The following SCAPER variants were observed in gnomAD, a reference collection of about 807,000 sequenced individuals.
The protein encoded by SCAPER is S-phase cyclin A associated protein in the ER.
Under a neutral mutation model 182.2 loss-of-function variants are expected in SCAPER, and 98 were observed. The observed-to-expected ratio is 0.54, with a 90% CI of 0.46 to 0.64. The LOEUF is 0.64. Ranked by LOEUF, SCAPER falls within the 30% of genes least tolerant of loss-of-function variation. SCAPER has a pLI of 0.00. For synonymous variants in SCAPER, 605 were observed against 564.6 expected (o/e 1.07, Z -1.01); for missense variants, 1,432 against 1,690.0 (o/e 0.85, Z 2.68).
At chr15:76,744,365 G>T (rs999848520) in intron 15 of SCAPER, among the ~76,000 whole-genome samples, 7 of 152,056 alleles carry the variant, frequency 4.6e-5, no homozygotes, top group Admixed American at 4.6e-4. Context: ...TACAGAATGG[G>T]AGACAATATT....
At chr15:76,584,427 T>C (rs1431067421) in intron 22 of SCAPER, among the ~76,000 whole-genome samples, 10 of 152,186 alleles carry the variant, frequency 6.6e-5, no homozygotes, top group Non-Finnish European at 8.8e-5. Flanking sequence ...GTTTGTGACA[T>C]TAAGAGAGGA....
At chr15:76,904,213 C>T (rs1278228020) in intron 1 of SCAPER, among the ~76,000 whole-genome samples, 1 of 152,150 alleles carries the variant, frequency 6.6e-6, no homozygotes, top group Non-Finnish European at 1.5e-5. Context: ...TACCACTCAC[C>T]AGCTGGTGAT....
intron 21 of SCAPER, among the ~76,000 whole-genome samples, chr15:76,648,850 T>C (rs539329955): frequency 6.6e-6 from 1 of 152,364 alleles, no homozygotes; most frequent in East Asian, 1.9e-4. Context: ...AGGTTCCCTC[T>C]TCCCTTTTCT....
chr15:76,713,177 G>T (rs1296735791), intron 17 of SCAPER, among the ~76,000 whole-genome samples: 3 of 152,102 alleles, frequency 2.0e-5, no homozygotes, highest in African/African-American at 7.2e-5. Flanking sequence ...TTACACTGTT[G>T]GTGGGACTGT....
At chr15:76,599,532 A>G (rs1277744605) in intron 22 of SCAPER, among the ~76,000 whole-genome samples, 2 of 122,406 alleles carry the variant, frequency 1.6e-5, no homozygotes, top group African/African-American at 2.5e-5. Flanking sequence ...TACTCATAGG[A>G]GTACTGTCCA....
At chr15:76,757,644 G>A (rs553802754) in intron 14 of SCAPER, among the ~76,000 whole-genome samples, 7 of 152,190 alleles carry the variant, frequency 4.6e-5, no homozygotes, top group African/African-American at 1.2e-4. Flanking sequence ...ACTGCTGATC[G>A]TATGACAGGC....
At chr15:76,741,570 T>C (rs755321571) in intron 15 of SCAPER, among the ~76,000 whole-genome samples, 4 of 151,970 alleles carry the variant, frequency 2.6e-5, no homozygotes, top group Non-Finnish European at 4.4e-5. Flanking sequence ...GCAGCTGCAA[T>C]GGAAAATGTA....
At chr15:76,585,070 C>A (rs537890625) in intron 22 of SCAPER, among the ~76,000 whole-genome samples, 1 of 152,186 alleles carries the variant, frequency 6.6e-6, no homozygotes, top group African/African-American at 2.4e-5. Flanking sequence ...TCAAAAGTAC[C>A]TATACTTGAA....
chr15:76,430,122 G>A (rs1384507308), intron 26 of SCAPER, among the ~76,000 whole-genome samples: 1 of 152,208 alleles, frequency 6.6e-6, no homozygotes, highest in Non-Finnish European at 1.5e-5. Context: ...GTGCACCGAA[G>A]TCAAGAATTG....
Position 76,613,414 on chromosome 15 carries a change from T to C in SCAPER, c.2711+8350A>G, listed in dbSNP as rs544664177. ...AAGCACTTGCAACAAAAGCAAACAC[T>C]GACAAATGGTATCTCATTAAACTAA... On this transcript the variant is annotated intron_variant, in intron 22 of 31. Coordinates refer to ENST00000563290, the MANE Select transcript of SCAPER (RefSeq NM_020843.4). Among the ~76,000 whole-genome samples, 6 of 152,202 alleles carry C rather than the reference T, an allele frequency of 3.9e-5. 1 individual carries two copies. The highest frequency in any genetic ancestry group is 1.4e-4 in the African/African-American group (6 of 41,522).
chr15:76,414,420 C>T (rs964879196), intron 26 of SCAPER, among the ~76,000 whole-genome samples: 2 of 151,940 alleles, frequency 1.3e-5, no homozygotes, highest in African/African-American at 4.8e-5. Flanking sequence ...TCATGTCAAA[C>T]TGCTGAAACT....
intron 23 of SCAPER, among the ~76,000 whole-genome samples, chr15:76,511,720 C>T (rs895520538): frequency 6.6e-6 from 1 of 152,012 alleles, no homozygotes; most frequent in African/African-American, 2.4e-5. Context: ...ATGTCAGAGA[C>T]CATGTCTGCT....
chr15:76,421,879 A>G (rs1195533006), intron 26 of SCAPER, among the ~76,000 whole-genome samples: 2 of 152,278 alleles, frequency 1.3e-5, no homozygotes, highest in East Asian at 3.9e-4. Context: ...TAAATAGGGA[A>G]TCCTTTCCCC....
At chr15:76,784,270 G>A (rs2064403512) in intron 8 of SCAPER, among the ~76,000 whole-genome samples, 1 of 152,098 alleles carries the variant, frequency 6.6e-6, no homozygotes, top group Non-Finnish European at 1.5e-5. Flanking sequence ...AATCATGAGT[G>A]AACTCCCATT....
At chr15:76,747,821 A>G (rs566443569) in intron 15 of SCAPER, among the ~76,000 whole-genome samples, 4 of 152,218 alleles carry the variant, frequency 2.6e-5, no homozygotes, top group Admixed American at 1.3e-4. Context: ...TGATGGTGCC[A>G]TGCTTCTTGT....
chr15:76,517,641 G>A (rs1274091953), intron 23 of SCAPER, among the ~76,000 whole-genome samples: 6 of 151,982 alleles, frequency 3.9e-5, no homozygotes, highest in African/African-American at 1.2e-4. Context: ...GTAAGCCACC[G>A]TGCCCAGCCC....
At chr15:76,625,919 C>T (rs2146169531) in intron 21 of SCAPER, among the ~76,000 whole-genome samples, 1 of 151,688 alleles carries the variant, frequency 6.6e-6, no homozygotes, top group East Asian at 1.9e-4. Flanking sequence ...TTTGGCTTCC[C>T]TGGCCACAAC....
chr15:76,436,120 T>C (rs1367971856), intron 25 of SCAPER, among the ~76,000 whole-genome samples: 3 of 152,184 alleles, frequency 2.0e-5, no homozygotes, highest in African/African-American at 7.2e-5. Flanking sequence ...CAGACTGGAG[T>C]GCAGTGGCAC....
In SCAPER at chr15:76,596,937, T is replaced by G. The variant is rs184784466; in HGVS notation, c.2712-22653A>C. Among the ~76,000 whole-genome samples the G allele has an allele frequency of 2.8e-3, 342 of 121,508 alleles. 55 individuals are homozygous for G. The highest frequency in any genetic ancestry group is 7.6e-3 in the African/African-American group (303 of 39,830). The allele number at this position is 121,508 out of a possible 152,430, so 79.7% of individuals were successfully genotyped here. Reference sequence around the variant, plus strand: ...CCTCTCTCACCACTCCTATTCAACATAGTATTGGAAGTTCTGGCCAGGACA... The same window carrying G: ...CCTCTCTCACCACTCCTATTCAACAGAGTATTGGAAGTTCTGGCCAGGACA... On this transcript the variant is annotated intron_variant, in intron 22 of 31. Transcript: ENST00000563290.
Sources: gnomAD v4.1 joint callset for allele counts (sites outside exome capture counted in the v4.1 genomes callset) on GRCh38, gnomAD v4.1.1 for gene constraint, MANE v1.5 for transcripts, NCBI Gene and HGNC (gene_info 2026-07-23, HGNC 2026-07-21) for gene names.